Variants in SRGAP3 observed in about 807,000 individuals in gnomAD.
SRGAP3 encodes the protein SLIT-ROBO Rho GTPase activating protein 3, also known as SLIT-ROBO Rho GTPase-activating protein 3.
SRGAP3 carries 39 observed loss-of-function variants against 121.1 expected under a neutral mutation model. The ratio of observed to expected loss-of-function variants is 0.32; its 90% CI spans 0.25 to 0.42. SRGAP3 has a LOEUF of 0.42. Ranked by LOEUF, SRGAP3 falls within the 10% of genes least tolerant of loss-of-function variation. SRGAP3 has a pLI of 1.00. For synonymous variants in SRGAP3, 601 were observed against 570.0 expected (o/e 1.05, Z -0.77); for missense variants, 1,213 against 1,470.6 (o/e 0.82, Z 2.86).
At chr3:8,990,885 C>T in intron 20 of SRGAP3, 46 bp from the exon 21 acceptor site, 2 of 1,451,052 alleles carry the variant, frequency 1.4e-6, no homozygotes, top group Non-Finnish European at 1.8e-6. Flanking sequence ...GAGGTCAAGC[C>T]TGGCAAGTCT....
chr3:9,142,933 G>A (rs1006371339), intron 1 of SRGAP3, among the ~76,000 whole-genome samples: 1 of 141,820 alleles, frequency 7.1e-6, no homozygotes, highest in Non-Finnish European at 1.5e-5. Context: ...GACCTTTCAG[G>A]CTCAAGTGAT....
At chr3:9,028,985 G>C (rs554642609) in intron 12 of SRGAP3, among the ~76,000 whole-genome samples, 1 of 152,208 alleles carries the variant, frequency 6.6e-6, no homozygotes, top group East Asian at 1.9e-4. Flanking sequence ...GTCCATCTCT[G>C]GGGTGAGCAC....
chr3:9,352,649 C>T (rs1484805561), intron 1 of SRGAP3, among the ~76,000 whole-genome samples: 2 of 152,136 alleles, frequency 1.3e-5, no homozygotes, highest in East Asian at 1.9e-4. Flanking sequence ...GCACATTTCT[C>T]GGATCATATC....
intron 2 of SRGAP3, among the ~76,000 whole-genome samples, chr3:9,117,437 G>A (rs1366055297): frequency 4.6e-5 from 7 of 152,216 alleles, no homozygotes; most frequent in Non-Finnish European, 7.3e-5. Context: ...GCTGAAAGAT[G>A]CTCCAAACCT....
chr3:9,314,633 C>G (rs1011530395), intron 3 of SRGAP3, among the ~76,000 whole-genome samples: 5 of 150,096 alleles, frequency 3.3e-5, no homozygotes, highest in Non-Finnish European at 5.9e-5. Context: ...ATGTGTCCAG[C>G]CTGCCCTCCT....
At chr3:9,272,248 TGTG>T (rs1375420551) in intron 3 of SRGAP3, among the ~76,000 whole-genome samples, 1 of 152,192 alleles carries the variant, frequency 6.6e-6, no homozygotes, top group African/African-American at 2.4e-5. Context: ...TTCTAAAACT[TGTG>T]GTAAAATACA....
intron 1 of SRGAP3, among the ~76,000 whole-genome samples, chr3:9,146,931 G>T (rs2257056): frequency 0.41 from 62,634 of 152,088 alleles, 15,149 homozygotes; most frequent in Non-Finnish European, 0.55. Flanking sequence ...GTGATGCAAT[G>T]TAGGCTATGA....
At chr3:9,125,215 T>C (rs553658095) in intron 1 of SRGAP3, among the ~76,000 whole-genome samples, 19 of 152,236 alleles carry the variant, frequency 1.2e-4, no homozygotes, top group Non-Finnish European at 2.6e-4. Context: ...TTCTTCCACA[T>C]GATCTAGTAA....
intron 4 of SRGAP3, among the ~76,000 whole-genome samples, chr3:9,072,247 G>C (rs1207849888): frequency 1.3e-5 from 2 of 152,090 alleles, no homozygotes; most frequent in East Asian, 1.9e-4. Context: ...CTGCACCCAG[G>C]AACTGTCCAC....
intron 1 of SRGAP3, among the ~76,000 whole-genome samples, chr3:9,170,836 C>A (rs764745277): frequency 1.3e-5 from 2 of 152,228 alleles, no homozygotes; most frequent in Non-Finnish European, 2.9e-5. Flanking sequence ...CCCCCAAGCC[C>A]TTCACTTGCT....
At chr3:9,226,018 G>C (rs1952976340) in intron 1 of SRGAP3, among the ~76,000 whole-genome samples, 1 of 152,180 alleles carries the variant, frequency 6.6e-6, no homozygotes, top group Admixed American at 6.5e-5. Flanking sequence ...ACCTGAGGCT[G>C]GATCGGGCCC....
intron 1 of SRGAP3, chr3:9,219,524 C>T (rs915005283): frequency 6.6e-6 from 1 of 152,202 alleles, no homozygotes; most frequent in Non-Finnish European, 1.5e-5. Context: ...GAATTCCTAT[C>T]TACAGAATGG....
At chr3:9,106,103 T>C (rs192557423) in intron 2 of SRGAP3, among the ~76,000 whole-genome samples, 3 of 152,290 alleles carry the variant, frequency 2.0e-5, no homozygotes, top group Admixed American at 1.3e-4. Context: ...AGTCAACCCA[T>C]AGTTAAATTA....
chr3:9,040,814 G>A (rs1318753620), intron 10 of SRGAP3, among the ~76,000 whole-genome samples: 1 of 152,012 alleles, frequency 6.6e-6, no homozygotes, highest in African/African-American at 2.4e-5. Context: ...TTTATATCAC[G>A]TTTCTCTATT....
chr3:9,073,412 C>T (rs1023153258), intron 4 of SRGAP3, among the ~76,000 whole-genome samples: 3 of 152,156 alleles, frequency 2.0e-5, no homozygotes, highest in South Asian at 2.1e-4. Flanking sequence ...CCCAAAGTGC[C>T]GGGATTACAG....
At chr3:9,003,771 A>G (rs576684561) in intron 18 of SRGAP3, among the ~76,000 whole-genome samples, 1 of 152,316 alleles carries the variant, frequency 6.6e-6, no homozygotes, top group South Asian at 2.1e-4. Flanking sequence ...AATGGCATCT[A>G]TGAAAAACCC....
chr3:9,136,475 C>T (rs1949669703), intron 1 of SRGAP3, among the ~76,000 whole-genome samples: 1 of 147,752 alleles, frequency 6.8e-6, no homozygotes, highest in Non-Finnish European at 1.5e-5. Flanking sequence ...GCTCCTAAGC[C>T]ATCTCTTCGG....
At chr3:9,209,250 T>C (rs1425514461) in intron 1 of SRGAP3, among the ~76,000 whole-genome samples, 3 of 152,320 alleles carry the variant, frequency 2.0e-5, no homozygotes, top group South Asian at 4.1e-4. Flanking sequence ...ACAACAGCCA[T>C]GAACACGGTT....
intron 2 of SRGAP3, among the ~76,000 whole-genome samples, chr3:9,329,567 T>G (rs1191196255): frequency 1.3e-5 from 2 of 152,034 alleles, no homozygotes; most frequent in African/African-American, 4.8e-5. Context: ...GGTGTCTGGG[T>G]AAGATGGTCA....
Sources: allele counts gnomAD v4.1 joint callset (sites outside exome capture counted in the v4.1 genomes callset), GRCh38; gene constraint gnomAD v4.1.1; transcripts MANE v1.5; gene names NCBI Gene and HGNC (gene_info 2026-07-23, HGNC 2026-07-21).